The following SOX6 variants were observed in gnomAD, a reference collection of about 807,000 sequenced individuals.
The protein encoded by SOX6 is SRY-box transcription factor 6.
In SOX6, 11 loss-of-function variants were observed where a neutral mutation model predicts 97.8. The observed-to-expected ratio is 0.11, with a 90% CI of 0.07 to 0.19. SOX6 has a LOEUF of 0.19. SOX6 is among the 10% of genes least tolerant of loss of function. The pLI is 1.00. For synonymous variants in SOX6, 360 were observed against 371.4 expected, an observed-to-expected ratio of 0.97 and a Z score of 0.35; for missense variants, 810 against 1,039.5, an observed-to-expected ratio of 0.78 and a Z score of 3.04.
chr11:16,364,596 A>C (rs2134382410), intron 1 of SOX6, among the ~76,000 whole-genome samples: 1 of 152,254 alleles, frequency 6.6e-6, no homozygotes, highest in East Asian at 1.9e-4. Context: ...ATGGATAATA[A>C]TATTTACCCT....
chr11:16,550,440 T>C (rs1425796349), intron 4 of SOX6, among the ~76,000 whole-genome samples: 1 of 151,942 alleles, frequency 6.6e-6, no homozygotes, highest in East Asian at 1.9e-4. Flanking sequence ...GTTGTGCACA[T>C]GTACCCTAGA....
intron 4 of SOX6, among the ~76,000 whole-genome samples, chr11:16,594,903 G>T (rs1030833510): frequency 2.6e-5 from 4 of 151,908 alleles, no homozygotes; most frequent in Non-Finnish European, 2.9e-5. Flanking sequence ...GTGTTAGCCA[G>T]GATGGTCTCA....
chr11:16,421,512 G>A (rs1859021226), intron 1 of SOX6, among the ~76,000 whole-genome samples: 1 of 152,094 alleles, frequency 6.6e-6, no homozygotes, highest in Non-Finnish European at 1.5e-5. Context: ...GCCAACTTCA[G>A]CATTTGGTAA....
chr11:16,730,044 A>T (rs1391981493), intron 2 of SOX6, among the ~76,000 whole-genome samples: 2 of 149,598 alleles, frequency 1.3e-5, no homozygotes, highest in African/African-American at 4.9e-5. Context: ...ATATATATAT[A>T]TATATCCTAA....
intron 4 of SOX6, among the ~76,000 whole-genome samples, chr11:16,482,443 T>C (rs1860360318): frequency 1.3e-5 from 2 of 152,192 alleles, no homozygotes; most frequent in Admixed American, 1.3e-4. Flanking sequence ...CACCCTATCT[T>C]ATCAGAAACA....
intron 3 of SOX6, among the ~76,000 whole-genome samples, chr11:16,692,783 G>A (rs1436610950): frequency 6.6e-6 from 1 of 152,020 alleles, no homozygotes; most frequent in Non-Finnish European, 1.5e-5. Flanking sequence ...TATTTATAAA[G>A]TTTTGTATCC....
chr11:16,525,818 C>T (rs1176240688), intron 4 of SOX6, among the ~76,000 whole-genome samples: 12 of 152,032 alleles, frequency 7.9e-5, no homozygotes, highest in South Asian at 2.1e-4. Context: ...AACAAGTGGG[C>T]GAAGGATATA....
intron 9 of SOX6, among the ~76,000 whole-genome samples, chr11:16,094,000 G>C (rs900415279): frequency 1.3e-5 from 2 of 151,856 alleles, no homozygotes; most frequent in Admixed American, 1.3e-4. Flanking sequence ...TGAGCAAACA[G>C]ATCAAAGGTT....
chr11:16,664,038 G>T (rs1847786538), intron 3 of SOX6, among the ~76,000 whole-genome samples: 1 of 152,098 alleles, frequency 6.6e-6, no homozygotes, highest in African/African-American at 2.4e-5. Flanking sequence ...CAGGGCAGGA[G>T]TAGCACTTGA....
chr11:16,422,334 AT>A (rs1859036085), intron 1 of SOX6, among the ~76,000 whole-genome samples: 1 of 152,200 alleles, frequency 6.6e-6, no homozygotes, highest in Non-Finnish European at 1.5e-5. Context: ...ATGCAGAACT[AT>A]TTTAGACCTC....
rs1469007139 is a variant in SOX6, at chr11:16,610,893, AG to A, written n.609+1187del. ...CTCGGAGAAGTTCCCGGAGGAGCAG[AG>A]GGCACCCAGGCACGGTGGCCAGATC... On this transcript the variant is annotated intron_variant and non_coding_transcript_variant, in intron 4 of 5. Transcript: ENST00000524520. The surrounding 1 kb of genome is among the most constrained non-coding windows in gnomAD (Gnocchi z 4.4). Among the ~76,000 whole-genome samples the A allele has an allele frequency of 2.6e-5, 4 of 152,204 alleles. No individual in the cohort carries two copies. The highest frequency in any genetic ancestry group is 9.6e-5 in the African/African-American group (4 of 41,454).
At chr11:16,110,608 C>T (rs1353699966) in intron 7 of SOX6, among the ~76,000 whole-genome samples, 2 of 152,154 alleles carry the variant, frequency 1.3e-5, no homozygotes, top group Non-Finnish European at 2.9e-5. Context: ...AATTTTCAGA[C>T]AGCCCTTAAA....
At chr11:16,643,439 G>T (rs939358000) in intron 3 of SOX6, among the ~76,000 whole-genome samples, 6 of 152,212 alleles carry the variant, frequency 3.9e-5, no homozygotes, top group African/African-American at 1.4e-4. Flanking sequence ...TGTCTTCCAA[G>T]CTGCCAGACA....
At chr11:16,422,676 A>C (rs1288807222) in intron 1 of SOX6, among the ~76,000 whole-genome samples, 1 of 152,214 alleles carries the variant, frequency 6.6e-6, no homozygotes, top group East Asian at 1.9e-4. Flanking sequence ...GTAGGCTGCA[A>C]ACCTAGCCAG....
intron 4 of SOX6, among the ~76,000 whole-genome samples, chr11:16,524,378 T>C (rs10832634): frequency 0.17 from 25,471 of 151,024 alleles, 2,641 homozygotes; most frequent in East Asian, 0.31. Context: ...AGACAAAAAC[T>C]ACATGATTAT....
chr11:16,062,247 G>A (rs1000857213), intron 9 of SOX6, among the ~76,000 whole-genome samples: 2 of 151,476 alleles, frequency 1.3e-5, no homozygotes, highest in Non-Finnish European at 3.0e-5. Context: ...TAATAACAGT[G>A]TAGTTATTAA....
chr11:16,079,796 T>G (rs1590182570), intron 9 of SOX6, among the ~76,000 whole-genome samples: 3 of 151,642 alleles, frequency 2.0e-5, no homozygotes, highest in Admixed American at 2.0e-4. Flanking sequence ...TACTGCCAAC[T>G]GGAGAACTTC....
chr11:16,579,090 A>G (rs531264157), intron 4 of SOX6, among the ~76,000 whole-genome samples: 5 of 152,220 alleles, frequency 3.3e-5, no homozygotes, highest in African/African-American at 9.6e-5. Context: ...TCAGCTAGCT[A>G]CATTAATTCA....
chr11:16,135,392 A>G (rs1849934407), intron 6 of SOX6, among the ~76,000 whole-genome samples: 1 of 152,210 alleles, frequency 6.6e-6, no homozygotes, highest in Admixed American at 6.5e-5. Flanking sequence ...AATCTAGGCA[A>G]AATAAATTGA....
Sources: allele counts gnomAD v4.1 joint callset (sites outside exome capture counted in the v4.1 genomes callset), GRCh38; gene constraint gnomAD v4.1.1; non-coding constraint Gnocchi (gnomAD v3.1); transcripts MANE v1.5; gene names NCBI Gene and HGNC (gene_info 2026-07-23, HGNC 2026-07-21).